The following MXRA7 variants were observed in gnomAD, a reference collection of about 807,000 sequenced individuals.
The protein encoded by MXRA7 is matrix-remodeling-associated protein 7.
In MXRA7, 18 loss-of-function variants were observed where a neutral mutation model predicts 17.4. The observed-to-expected ratio is 1.03, with a 90% CI of 0.71 to 1.53. MXRA7 has a LOEUF of 1.53. Ranked by LOEUF, MXRA7 falls within the 40% of genes most tolerant of loss-of-function variation. The probability of loss-of-function intolerance (pLI) is 0.00; values close to 1 mark genes in which losing one functional copy is unlikely to be tolerated. For missense variants in MXRA7, 141 were observed against 209.3 expected, an observed-to-expected ratio of 0.67 and a Z score of 2.01; for synonymous variants, 70 against 101.7, an observed-to-expected ratio of 0.69 and a Z score of 1.87.
rs1176038905 is a variant in MXRA7 at position 76,710,825 on chromosome 17, G to A, written c.122C>T (p.Pro41Leu). 4.0e-5 allele frequency: 38 copies of A among 955,848 alleles called. No homozygotes were observed. Among genetic ancestry groups the A allele is most frequent in the Non-Finnish European group, 4.6e-5 (37 of 805,692 alleles). 59.2% of individuals were successfully genotyped at this position (955,848 alleles called of 1,614,324 possible). The change falls in exon 1 of 4, where the codon CCC becomes CTC. Residue 41 changes from proline (P) to leucine (L), a missense_variant. Physicochemically the swap from Pro to Leu is moderately conservative, Grantham distance 98. This residue lies in a region of MXRA7 where 72 missense variants were observed against 111.9 expected (regional missense o/e 0.64). Coordinates refer to ENST00000449428, the MANE Select transcript of MXRA7 (RefSeq NM_198530.4). ...AAASPEPARA[P>L]PEPAPPAEAT... is the part of the protein sequence containing the mutation. Reference sequence around the variant, plus strand: ...CTCGGCCGGGGGCGCGGGTTCCGGGGGCGCGCGGGCAGGCTCCGGGCTCGC... The same window carrying A: ...CTCGGCCGGGGGCGCGGGTTCCGGGAGCGCGCGGGCAGGCTCCGGGCTCGC...
intron 1 of MXRA7, among the ~76,000 whole-genome samples, chr17:76,702,852 AAAAT>A (rs528200646): frequency 0.011 from 653 of 58,260 alleles, 4 homozygotes; most frequent in East Asian, 0.015. Context: ...ACTACCTCTT[AAAAT>A]AAATATATAT....
chr17:76,702,672 C>G (rs116848772), intron 1 of MXRA7, among the ~76,000 whole-genome samples: 6 of 151,370 alleles, frequency 4.0e-5, no homozygotes, highest in African/African-American at 7.3e-5. Flanking sequence ...CTGTAACACG[C>G]GAAACTTCAT....
At chr17:76,690,684 G>A (rs998149720) in intron 1 of MXRA7, among the ~76,000 whole-genome samples, 10 of 151,854 alleles carry the variant, frequency 6.6e-5, no homozygotes, top group Non-Finnish European at 8.8e-5. Context: ...ATTTGGTTTC[G>A]GCCCCCAGTT....
chr17:76,705,216 G>GTTTATCTA (rs1400679963), intron 1 of MXRA7, among the ~76,000 whole-genome samples: 1 of 152,102 alleles, frequency 6.6e-6, no homozygotes, highest in Non-Finnish European at 1.5e-5. Context: ...AAAGAACAAA[G>GTTTATCTA]TTTATCTATT....
chr17:76,685,309 T>G, intron 2 of MXRA7, 144 bp from the exon 3 acceptor site: 1 of 645,638 alleles, frequency 1.5e-6, no homozygotes, highest in African/African-American at 1.8e-5. Flanking sequence ...CCAGCGCCTA[T>G]ACCCCCTCTC....
chr17:76,684,030 C>G, intron 3 of MXRA7: 2 of 912,898 alleles, frequency 2.2e-6, no homozygotes, highest in Non-Finnish European at 3.7e-6. Flanking sequence ...GCTGTGCTTA[C>G]ACTGCCCGCC....
At chr17:76,703,800 C>T (rs2076623096) in intron 1 of MXRA7, 1 of 151,696 alleles carries the variant, frequency 6.6e-6, no homozygotes, top group South Asian at 2.1e-4. Context: ...GGAAAGTGGA[C>T]AATCACTTCT....
At chr17:76,688,243 GA>G in intron 1 of MXRA7, 67 bp from the exon 2 acceptor site, 1 of 1,602,650 alleles carries the variant, frequency 6.2e-7, no homozygotes, top group Non-Finnish European at 8.5e-7. Context: ...TGGGGGGGCA[GA>G]AGGTAGGGGA....
downstream of MXRA7, among the ~76,000 whole-genome samples, chr17:76,678,866 A>G (rs1320343766): frequency 6.6e-6 from 1 of 151,766 alleles, no homozygotes; most frequent in Non-Finnish European, 1.5e-5. Flanking sequence ...TTTTCTGTCT[A>G]GAGCAGCATC....
At chr17:76,677,141 A>T (rs2076246542), downstream of MXRA7, 4 of 154,964 alleles carry the variant, frequency 2.6e-5, no homozygotes, top group African/African-American at 9.7e-5. Flanking sequence ...GAAAATACAA[A>T]ATTAGCCAGG....
At chr17:76,693,908 G>C (rs919391777) in intron 1 of MXRA7, among the ~76,000 whole-genome samples, 7 of 152,302 alleles carry the variant, frequency 4.6e-5, no homozygotes, top group Non-Finnish European at 7.4e-5. Flanking sequence ...TTTATATACA[G>C]GATGTAATTT....
intron 3 of MXRA7, among the ~76,000 whole-genome samples, chr17:76,683,438 C>T (rs1002174548): frequency 3.3e-5 from 5 of 152,220 alleles, no homozygotes; most frequent in African/African-American, 4.8e-5. Flanking sequence ...GAGCACGGAC[C>T]GTTCTCAGAG....
At chr17:76,691,918 G>A (rs1274770277) in intron 1 of MXRA7, among the ~76,000 whole-genome samples, 2 of 152,174 alleles carry the variant, frequency 1.3e-5, no homozygotes, top group African/African-American at 2.4e-5. Context: ...TACGGAGCTC[G>A]TGGTCCAGTA....
At chr17:76,695,501 C>G (rs558329986) in intron 1 of MXRA7, among the ~76,000 whole-genome samples, 1 of 152,286 alleles carries the variant, frequency 6.6e-6, no homozygotes, top group Non-Finnish European at 1.5e-5. Context: ...TCATAGCACG[C>G]CCATCTTTCC....
At chr17:76,696,355 T>C (rs1209205211) in intron 1 of MXRA7, among the ~76,000 whole-genome samples, 1 of 151,880 alleles carries the variant, frequency 6.6e-6, no homozygotes, top group Non-Finnish European at 1.5e-5. Context: ...CCCCCATCTC[T>C]ATAAAAAATT....
chr17:76,688,220 T>C, intron 1 of MXRA7, 44 bp from the exon 2 acceptor site: 1 of 1,611,886 alleles, frequency 6.2e-7, no homozygotes, highest in Non-Finnish European at 8.5e-7. Context: ...ACAGACTGGG[T>C]GATGGGAAGT....
intron 2 of MXRA7, among the ~76,000 whole-genome samples, 182 bp from the exon 3 acceptor site, chr17:76,685,347 A>G (rs1270552534): frequency 2.0e-5 from 3 of 152,112 alleles, no homozygotes; most frequent in African/African-American, 7.2e-5. Flanking sequence ...TAAATCCTAC[A>G]ACGAGACAGC....
At chr17:76,692,513 A>G (rs1265737820) in intron 1 of MXRA7, among the ~76,000 whole-genome samples, 1 of 151,926 alleles carries the variant, frequency 6.6e-6, no homozygotes, top group African/African-American at 2.4e-5. Context: ...TCGGCCTCCC[A>G]AACTGCTGGG....
downstream of MXRA7, chr17:76,679,482 G>A (rs1376150780): frequency 4.8e-6 from 2 of 415,838 alleles, no homozygotes; most frequent in African/African-American, 4.3e-5. Context: ...AGAGTAAGAG[G>A]CATCAAAATG....
Sources: gnomAD v4.1 joint callset for allele counts (sites outside exome capture counted in the v4.1 genomes callset) on GRCh38, gnomAD v4.1.1 for gene constraint, gnomAD v4.1.1 regional missense constraint, MANE v1.5 for transcripts, NCBI Gene and HGNC (gene_info 2026-07-23, HGNC 2026-07-21) for gene names.